The following LSAMP variants were observed in gnomAD, a reference collection of about 807,000 sequenced individuals.
LSAMP encodes limbic system-associated membrane protein.
LSAMP carries 7 observed loss-of-function variants against 38.6 expected under a neutral mutation model. The observed-to-expected ratio is 0.18, with a 90% CI of 0.10 to 0.34. LSAMP has a LOEUF of 0.34. Among genes scored for constraint, LSAMP ranks in the 10% least tolerant of loss-of-function variants. The probability of loss-of-function intolerance (pLI) is 1.00; values close to 1 mark genes in which losing one functional copy is unlikely to be tolerated. For synonymous variants in LSAMP, 154 were observed against 166.8 expected, an observed-to-expected ratio of 0.92 and a Z score of 0.59; for missense variants, 313 against 420.0, an observed-to-expected ratio of 0.75 and a Z score of 2.23.
At chr3:116,172,631 A>G (rs1576410191) in intron 1 of LSAMP, among the ~76,000 whole-genome samples, 1 of 152,070 alleles carries the variant, frequency 6.6e-6, no homozygotes, top group African/African-American at 2.4e-5. Context: ...GGATAGAAAT[A>G]TAAGCACCTA....
intron 1 of LSAMP, among the ~76,000 whole-genome samples, chr3:116,239,076 A>G (rs2046499425): frequency 6.6e-6 from 1 of 152,190 alleles, no homozygotes; most frequent in South Asian, 2.1e-4. Context: ...AGTAGTAGAC[A>G]TGCATTTGTG....
rs2046328361 is a variant in LSAMP, at chr3:116,225,109, T to G, written c.156-138553A>C. ...TATGGACAATGTGTAGATTCACTAG[T>G]GGCCCCCACAAAAGATATGTGCAAG... On this transcript the variant is annotated intron_variant, in intron 1 of 6. Transcript: ENST00000490035. 2.0e-5 allele frequency among the ~76,000 whole-genome samples: 3 copies of G among 151,612 alleles called. No homozygotes were observed. In the South Asian group the frequency reaches 6.2e-4, roughly 32 times the overall value.
intron 2 of LSAMP, among the ~76,000 whole-genome samples, chr3:116,028,236 A>G (rs1260512477): frequency 6.6e-6 from 1 of 152,200 alleles, no homozygotes; most frequent in African/African-American, 2.4e-5. Flanking sequence ...CATCTAGTGA[A>G]ACATCAAACA....
intron 3 of LSAMP, among the ~76,000 whole-genome samples, chr3:115,925,981 T>C (rs1326490032): frequency 1.3e-5 from 2 of 152,014 alleles, no homozygotes; most frequent in Non-Finnish European, 2.9e-5. Flanking sequence ...AGAACATTAA[T>C]GATGATTACA....
intron 1 of LSAMP, among the ~76,000 whole-genome samples, chr3:116,320,620 GATTTAGTA>G (rs924647156): frequency 1.3e-5 from 2 of 152,060 alleles, no homozygotes; most frequent in Admixed American, 6.5e-5. Context: ...ACAAAGCTTA[GATTTAGTA>G]ATTTATTCTC....
intron 1 of LSAMP, among the ~76,000 whole-genome samples, chr3:116,253,866 G>T (rs1304933993): frequency 1.3e-5 from 2 of 152,176 alleles, no homozygotes; most frequent in Non-Finnish European, 2.9e-5. Context: ...GGCCATGCAA[G>T]CTCATTCTCA....
intron 6 of LSAMP, among the ~76,000 whole-genome samples, chr3:115,828,594 T>A (rs1934505292): frequency 6.6e-6 from 1 of 152,224 alleles, no homozygotes; most frequent in Admixed American, 6.5e-5. Flanking sequence ...TCCATCAAGA[T>A]CCTGGTCTTC....
chr3:115,932,300 C>A (rs1261883779), intron 3 of LSAMP, among the ~76,000 whole-genome samples: 2 of 152,170 alleles, frequency 1.3e-5, no homozygotes, highest in Non-Finnish European at 2.9e-5. Context: ...TGTCTTCTGA[C>A]CACAGAACCT....
chr3:115,914,738 C>T (rs1937210164), intron 3 of LSAMP, among the ~76,000 whole-genome samples: 1 of 152,098 alleles, frequency 6.6e-6, no homozygotes, highest in South Asian at 2.1e-4. Context: ...TCCTTGTTCC[C>T]CATAGATCTT....
intron 2 of LSAMP, among the ~76,000 whole-genome samples, chr3:116,070,377 G>A (rs9873576): frequency 3.3e-5 from 5 of 151,998 alleles, no homozygotes; most frequent in African/African-American, 1.2e-4. Flanking sequence ...TTTAAATAAA[G>A]GGGAAAAGAG....
At chr3:116,170,436 A>G (rs1457677043) in intron 1 of LSAMP, among the ~76,000 whole-genome samples, 2 of 152,204 alleles carry the variant, frequency 1.3e-5, no homozygotes, top group Non-Finnish European at 2.9e-5. Context: ...TATAAGAAGT[A>G]AAATTTGTTT....
intron 1 of LSAMP, chr3:116,370,062 C>T (rs2107790231): frequency 6.6e-6 from 1 of 152,630 alleles, no homozygotes; most frequent in Admixed American, 6.5e-5. Flanking sequence ...CAAACTAATA[C>T]ATTAAACAGA....
At chr3:116,421,312 G>C (rs2049120701) in intron 1 of LSAMP, among the ~76,000 whole-genome samples, 1 of 152,190 alleles carries the variant, frequency 6.6e-6, no homozygotes, top group Non-Finnish European at 1.5e-5. Context: ...GCTCATGCCT[G>C]TAATCCCAGC....
At chr3:116,196,884 T>C (rs1424524504) in intron 1 of LSAMP, among the ~76,000 whole-genome samples, 1 of 152,200 alleles carries the variant, frequency 6.6e-6, no homozygotes, top group South Asian at 2.1e-4. Context: ...CACTCCTTTA[T>C]GCCTGCTTCT....
intron 1 of LSAMP, among the ~76,000 whole-genome samples, chr3:116,207,907 T>C (rs1332131381): frequency 6.6e-6 from 1 of 150,594 alleles, no homozygotes; most frequent in African/African-American, 2.4e-5. Context: ...AGGAGTATCT[T>C]TGTGGCGTTC....
In LSAMP at chr3:116,431,793, A is replaced by G. The variant is rs115391071; in HGVS notation, c.155+13084T>C. Reference sequence around the variant, plus strand: ...GTCATCTTCATTAAGCATGCTCATTAACAAATCACTAGATCTCTTTGTGAC... The same window carrying G: ...GTCATCTTCATTAAGCATGCTCATTGACAAATCACTAGATCTCTTTGTGAC... On this transcript the variant is annotated intron_variant, in intron 1 of 6. Transcript: ENST00000490035. 7.8e-3 allele frequency among the ~76,000 whole-genome samples: 1,183 copies of G among 152,198 alleles called. 12 individuals carry two copies. The highest frequency in any genetic ancestry group is 0.027 in the African/African-American group (1,110 of 41,562).
chr3:115,959,558 G>A (rs756939611), intron 3 of LSAMP, among the ~76,000 whole-genome samples: 5 of 152,184 alleles, frequency 3.3e-5, no homozygotes, highest in Non-Finnish European at 7.4e-5. Context: ...GTAGTTCGGA[G>A]CATGTGTGTT....
At chr3:116,154,441 G>A (rs1402037776) in intron 1 of LSAMP, among the ~76,000 whole-genome samples, 1 of 152,080 alleles carries the variant, frequency 6.6e-6, no homozygotes, top group Non-Finnish European at 1.5e-5. Flanking sequence ...TCCACAATAA[G>A]ATACAATAAC....
At chr3:115,907,305 T>A (rs1937030022) in intron 3 of LSAMP, among the ~76,000 whole-genome samples, 1 of 152,060 alleles carries the variant, frequency 6.6e-6, no homozygotes, top group Admixed American at 6.6e-5. Context: ...CAGTAAAAGA[T>A]GAGCCCTCTG....
Sources: allele counts gnomAD v4.1 joint callset (sites outside exome capture counted in the v4.1 genomes callset), GRCh38; gene constraint gnomAD v4.1.1; transcripts MANE v1.5; gene names NCBI Gene and HGNC (gene_info 2026-07-23, HGNC 2026-07-21).